MGLL: variants seen among roughly 807,000 people sequenced by gnomAD.
MGLL encodes monoglyceride lipase.
MGLL carries 7 observed loss-of-function variants against 29.1 expected under a neutral mutation model. That is an observed-to-expected ratio of 0.24 (90% CI 0.14 to 0.45). MGLL has a LOEUF of 0.45. MGLL is among the 20% of genes least tolerant of loss of function. The probability of loss-of-function intolerance (pLI) is 0.99; values close to 1 mark genes in which losing one functional copy is unlikely to be tolerated. For synonymous variants in MGLL, 148 were observed against 168.3 expected (o/e 0.88, Z 0.93); for missense variants, 356 against 413.6 (o/e 0.86, Z 1.21).
intron 6 of MGLL, among the ~76,000 whole-genome samples, chr3:127,706,096 A>T (rs1463932706): frequency 2.6e-5 from 4 of 152,218 alleles, no homozygotes; most frequent in African/African-American, 9.6e-5. Context: ...GGGTACATAC[A>T]TACCCAAAAG....
Position 127,733,496 on chromosome 3 carries a change from C to G in MGLL, c.263-10930G>C, listed in dbSNP as rs1489722692. Among the ~76,000 whole-genome samples, 4 of 152,234 alleles carry G rather than the reference C, an allele frequency of 2.6e-5. No individual in the cohort carries two copies. In the East Asian group the frequency reaches 7.7e-4, roughly 29 times the overall value. On this transcript the variant is annotated intron_variant, in intron 3 of 7. Coordinates refer to ENST00000265052, the MANE Select transcript of MGLL (RefSeq NM_007283.7). ...CCTCTCTTGGGGTCTGGATCAGGAC[C>G]CCTTTCTGGTAACAAGAGTGAGGGG...
chr3:127,753,959 G>T (rs1175254667), intron 3 of MGLL, among the ~76,000 whole-genome samples: 3 of 152,184 alleles, frequency 2.0e-5, no homozygotes, highest in Non-Finnish European at 2.9e-5. Flanking sequence ...TTCCTCAGGG[G>T]TCACTTCCTC....
intron 3 of MGLL, among the ~76,000 whole-genome samples, chr3:127,768,268 C>G (rs997372161): frequency 6.6e-6 from 1 of 152,140 alleles, no homozygotes; most frequent in Non-Finnish European, 1.5e-5. Flanking sequence ...TCAGAACTAA[C>G]TAAGAAGGAG....
At chr3:127,754,595 T>C (rs989177126) in intron 3 of MGLL, among the ~76,000 whole-genome samples, 5 of 152,176 alleles carry the variant, frequency 3.3e-5, no homozygotes, top group African/African-American at 1.2e-4. Context: ...GCTGGCGGGC[T>C]GGGATCCACA....
intron 2 of MGLL, among the ~76,000 whole-genome samples, chr3:127,803,044 A>G (rs1481753630): frequency 6.6e-6 from 1 of 151,726 alleles, no homozygotes; most frequent in Non-Finnish European, 1.5e-5. Flanking sequence ...CAGTGGCACA[A>G]TTTTGGCTCA....
chr3:127,735,369 A>G (rs2076224870), intron 3 of MGLL, among the ~76,000 whole-genome samples: 1 of 152,254 alleles, frequency 6.6e-6, no homozygotes, highest in African/African-American at 2.4e-5. Flanking sequence ...TGTTATAACT[A>G]GAGAATGGAT....
intron 3 of MGLL, among the ~76,000 whole-genome samples, chr3:127,724,943 C>T (rs1418482725): frequency 2.0e-5 from 3 of 152,232 alleles, no homozygotes; most frequent in South Asian, 2.1e-4. Context: ...TTTCTGATTC[C>T]GACCACTCCT....
intron 3 of MGLL, among the ~76,000 whole-genome samples, chr3:127,775,115 C>G (rs616990): frequency 0.85 from 128,644 of 152,058 alleles, 54,802 homozygotes; most frequent in Middle Eastern, 0.94. Flanking sequence ...GGCAAGGGGA[C>G]GAAGGGAATG....
rs563147773 is a variant in MGLL at position 127,793,638 on chromosome 3, T to C, written c.156-11743A>G. Among the ~76,000 whole-genome samples the C allele has an allele frequency of 1.6e-4, 25 of 152,350 alleles. No individual in the cohort carries two copies. The South Asian group carries it at 5.2e-3, about 32-fold the overall frequency. The stretch of plus-strand genomic sequence containing the variant: ...GTGTGATGGTGCAATCTCGGCTCAC[T>C]GCAACCTCCGCCTCCCGGGTTGAAG... On this transcript the variant is annotated intron_variant, in intron 2 of 7. Coordinates refer to ENST00000265052, the MANE Select transcript of MGLL (RefSeq NM_007283.7).
At position 127,725,459 on chromosome 3, in the gene MGLL, G is replaced by A. The variant is rs1298596960; in HGVS notation, c.263-2893C>T. Among the ~76,000 whole-genome samples, 8 of 152,104 alleles carry A rather than the reference G, an allele frequency of 5.3e-5. No homozygotes were observed. In the East Asian group the frequency reaches 1.5e-3, roughly 29 times the overall value. On this transcript the variant is annotated intron_variant, in intron 3 of 7. Transcript: ENST00000265052. ...TATCTTCCCCTAAACTCTTCTCTTA[G>A]TGTCTCAGCCTCTTTACAAGCAAAT...
At chr3:127,814,338 C>T (rs1292405230) in intron 2 of MGLL, among the ~76,000 whole-genome samples, 1 of 152,180 alleles carries the variant, frequency 6.6e-6, no homozygotes, top group African/African-American at 2.4e-5. Context: ...ATCCCCACCC[C>T]CATCCCCTAA....
intron 3 of MGLL, among the ~76,000 whole-genome samples, chr3:127,771,779 T>G (rs1453621664): frequency 6.6e-6 from 1 of 152,194 alleles, no homozygotes; most frequent in African/African-American, 2.4e-5. Flanking sequence ...AAGGGGCATT[T>G]GAAAATTATA....
chr3:127,698,707 G>A (rs58713133), intron 6 of MGLL, among the ~76,000 whole-genome samples: 232 of 152,306 alleles, frequency 1.5e-3, no homozygotes, highest in African/African-American at 5.3e-3. Context: ...ATATTGTCCT[G>A]TCGTTTTGCA....
chr3:127,783,904 C>CA (rs1420846777), intron 2 of MGLL: 1 of 152,208 alleles, frequency 6.6e-6, no homozygotes, highest in African/African-American at 2.4e-5. Context: ...GCTGTGCTTC[C>CA]AGAAGGGATA....
At chr3:127,746,706 G>A (rs1305242432) in intron 3 of MGLL, among the ~76,000 whole-genome samples, 1 of 152,120 alleles carries the variant, frequency 6.6e-6, no homozygotes, top group East Asian at 1.9e-4. Flanking sequence ...CCAGAGGCAT[G>A]CACGCCATCC....
chr3:127,780,174 A>G (rs933348989), intron 3 of MGLL, among the ~76,000 whole-genome samples: 1 of 152,228 alleles, frequency 6.6e-6, no homozygotes, highest in African/African-American at 2.4e-5. Flanking sequence ...ATTGTTTCTC[A>G]AAGTGCCACA....
At position 127,804,450 on chromosome 3, in the gene MGLL, C is replaced by T. The variant is rs1428659776; in HGVS notation, c.155+17244G>A. Among the ~76,000 whole-genome samples, 3 of 152,236 alleles carry T rather than the reference C, an allele frequency of 2.0e-5. No individual in the cohort carries two copies. In the East Asian group the frequency reaches 5.8e-4, roughly 29 times the overall value. ...CCCTGAGTAGGACTCCCCACTCCTG[C>T]CATGGCCACCTACAGGGGAATGAGT... On this transcript the variant is annotated intron_variant, in intron 2 of 7. Transcript: ENST00000265052.
chr3:127,768,594 G>A (rs2076897065), intron 3 of MGLL, among the ~76,000 whole-genome samples: 1 of 152,184 alleles, frequency 6.6e-6, no homozygotes, highest in Non-Finnish European at 1.5e-5. Context: ...TGACATCCAA[G>A]ATGACTAAGT....
chr3:127,727,779 T>C (rs1185487145), intron 3 of MGLL, among the ~76,000 whole-genome samples: 1 of 152,024 alleles, frequency 6.6e-6, no homozygotes, highest in Non-Finnish European at 1.5e-5. Flanking sequence ...TCTTTGATTT[T>C]GTATTTTATC....
Sources: gnomAD v4.1 joint callset for allele counts (sites outside exome capture counted in the v4.1 genomes callset) on GRCh38, gnomAD v4.1.1 for gene constraint, MANE v1.5 for transcripts, NCBI Gene and HGNC (gene_info 2026-07-23, HGNC 2026-07-21) for gene names.